GRID2: variants seen among roughly 807,000 people sequenced by gnomAD.
GRID2 encodes glutamate receptor ionotropic, delta-2.
Under a neutral mutation model 114.8 loss-of-function variants are expected in GRID2, and 33 were observed. That is an observed-to-expected ratio of 0.29 (90% CI 0.22 to 0.38). The LOEUF is 0.38. GRID2 is among the 10% of genes least tolerant of loss of function. GRID2 has a pLI of 1.00. For synonymous variants in GRID2, 505 were observed against 449.9 expected (o/e 1.12, Z -1.55); for missense variants, 1,184 against 1,257.7 (o/e 0.94, Z 0.89).
chr4:93,357,594 A>G (rs537436728), intron 8 of GRID2, among the ~76,000 whole-genome samples: 2 of 151,572 alleles, frequency 1.3e-5, no homozygotes, highest in African/African-American at 2.4e-5. Flanking sequence ...TTGCTACAAA[A>G]TATTTCATTA....
At chr4:93,461,244 T>C (rs1051093619) in intron 11 of GRID2, among the ~76,000 whole-genome samples, 7 of 152,146 alleles carry the variant, frequency 4.6e-5, no homozygotes, top group African/African-American at 1.7e-4. Context: ...AAGCTGCTAT[T>C]CTTCCACTTG....
At chr4:92,950,917 C>T (rs1419660834) in intron 2 of GRID2, among the ~76,000 whole-genome samples, 1 of 151,704 alleles carries the variant, frequency 6.6e-6, no homozygotes, top group Admixed American at 6.6e-5. Flanking sequence ...TTGGCAAATC[C>T]ATTTTCAGAT....
intron 1 of GRID2, among the ~76,000 whole-genome samples, chr4:92,570,472 CT>C (rs1465844957): frequency 2.0e-5 from 3 of 151,788 alleles, no homozygotes; most frequent in Non-Finnish European, 4.4e-5. Flanking sequence ...TTTAGAATAT[CT>C]TTTTCTAATT....
intron 2 of GRID2, among the ~76,000 whole-genome samples, chr4:92,839,885 C>T (rs1448986443): frequency 6.6e-6 from 1 of 151,938 alleles, no homozygotes; most frequent in East Asian, 1.9e-4. Context: ...ATTTTTGTGT[C>T]TGAAAGATCT....
At chr4:92,842,568 G>A (rs1211093406) in intron 2 of GRID2, among the ~76,000 whole-genome samples, 1 of 152,098 alleles carries the variant, frequency 6.6e-6, no homozygotes, top group East Asian at 1.9e-4. Flanking sequence ...CAACCACTCA[G>A]TAATGTAGGT....
chr4:93,390,340 G>A (rs115965444), intron 8 of GRID2, among the ~76,000 whole-genome samples: 1,737 of 152,142 alleles, frequency 0.011, 31 homozygotes, highest in African/African-American at 0.04. Context: ...TAAGTCACCC[G>A]AAAAATGAGA....
intron 2 of GRID2, among the ~76,000 whole-genome samples, chr4:92,698,593 C>A (rs182162034): frequency 1.3e-3 from 192 of 151,246 alleles, no homozygotes; most frequent in Middle Eastern, 3.4e-3. Flanking sequence ...TTAGAAATGT[C>A]CATCTTATTT....
intron 2 of GRID2, among the ~76,000 whole-genome samples, chr4:92,698,305 A>G (rs1734516507): frequency 6.6e-6 from 1 of 152,174 alleles, no homozygotes; most frequent in Non-Finnish European, 1.5e-5. Flanking sequence ...AGTAAAGTCC[A>G]CTAAAGCAGC....
At chr4:93,176,987 C>T (rs1739402406) in intron 4 of GRID2, among the ~76,000 whole-genome samples, 1 of 152,030 alleles carries the variant, frequency 6.6e-6, no homozygotes, top group Admixed American at 6.6e-5. Flanking sequence ...CATTAGAGTC[C>T]AATAACAATA....
intron 2 of GRID2, among the ~76,000 whole-genome samples, chr4:92,624,773 A>T (rs1046047224): frequency 6.6e-6 from 1 of 151,840 alleles, no homozygotes; most frequent in Non-Finnish European, 1.5e-5. Flanking sequence ...TTTCAAGTAC[A>T]GACTAAATAT....
intron 11 of GRID2, among the ~76,000 whole-genome samples, chr4:93,481,581 C>A (rs907970074): frequency 6.6e-6 from 1 of 152,056 alleles, no homozygotes; most frequent in African/African-American, 2.4e-5. Flanking sequence ...TTAGCTGGAA[C>A]CATAATCTTC....
At chr4:92,588,678 CAAAAA>C (rs1209254541) in intron 1 of GRID2, among the ~76,000 whole-genome samples, 4,370 of 70,136 alleles carry the variant, frequency 0.062, 48 homozygotes, top group Middle Eastern at 0.15. Context: ...GACTCCGTCT[CAAAAA>C]AAAAAAAAAA....
chr4:93,727,708 G>C (rs1269896979), intron 14 of GRID2, among the ~76,000 whole-genome samples: 2 of 152,158 alleles, frequency 1.3e-5, no homozygotes. Flanking sequence ...TCCTGGTTTA[G>C]TCTTGGGAGA....
At chr4:92,607,281 T>C (rs929631796) in intron 2 of GRID2, among the ~76,000 whole-genome samples, 1 of 152,042 alleles carries the variant, frequency 6.6e-6, no homozygotes, top group African/African-American at 2.4e-5. Context: ...CGAATGTTAA[T>C]GCTGAAGTTA....
At chr4:93,135,761 T>A (rs1409211791) in intron 4 of GRID2, among the ~76,000 whole-genome samples, 1 of 152,160 alleles carries the variant, frequency 6.6e-6, no homozygotes, top group Non-Finnish European at 1.5e-5. Context: ...TTGTTTTTAT[T>A]TCAGTAGAAA....
chr4:93,112,402 C>T (rs553512044), intron 4 of GRID2, among the ~76,000 whole-genome samples: 7 of 152,058 alleles, frequency 4.6e-5, no homozygotes, highest in Admixed American at 3.3e-4. Flanking sequence ...ATCATGGGGG[C>T]GGTTTCCCCC....
At chr4:92,486,413 T>A (rs1722890075) in intron 1 of GRID2, among the ~76,000 whole-genome samples, 2 of 151,864 alleles carry the variant, frequency 1.3e-5, no homozygotes, top group Admixed American at 1.3e-4. Flanking sequence ...TATGTAAATA[T>A]AATAAAACTT....
At chr4:92,936,214 A>G (rs1421344013) in intron 2 of GRID2, among the ~76,000 whole-genome samples, 3 of 146,452 alleles carry the variant, frequency 2.0e-5, no homozygotes, top group Non-Finnish European at 3.0e-5. Context: ...ATTATGAAAC[A>G]CTTTTGACAC....
chr4:93,258,790 G>A (rs1749913942), intron 8 of GRID2: 1 of 391,458 alleles, frequency 2.6e-6, no homozygotes. Context: ...TACAACTAAT[G>A]CATGGATTTA....
Sources: gnomAD v4.1 joint callset for allele counts (sites outside exome capture counted in the v4.1 genomes callset) on GRCh38, gnomAD v4.1.1 for gene constraint, MANE v1.5 for transcripts, NCBI Gene and HGNC (gene_info 2026-07-23, HGNC 2026-07-21) for gene names.